BAG5: variants seen among roughly 807,000 people sequenced by gnomAD.
BAG5 encodes the protein BAG cochaperone 5.
A neutral mutation model predicts 31.8 loss-of-function variants in BAG5; 25 were observed. The ratio of observed to expected loss-of-function variants is 0.79; its 90% CI spans 0.57 to 1.10. BAG5 has a LOEUF of 1.10. BAG5 is among the 50% of genes least tolerant of loss of function. BAG5 has a pLI of 0.00. For synonymous variants in BAG5, 208 were observed against 205.0 expected, an observed-to-expected ratio of 1.01 and a Z score of -0.13; for missense variants, 491 against 527.9, an observed-to-expected ratio of 0.93 and a Z score of 0.68.
chr14:103,560,653 GGCT>G lies in BAG5; in HGVS notation c.509_511del (p.Gln170del). On this transcript the variant is annotated inframe_deletion, in exon 2 of 2. Transcript: ENST00000299204. ...TGCATCCTCGGAAAGCGGCAGGGAA[GGCT>G]GCTTTTTCATGCAGTCTTCGATTAT... The G allele has an allele frequency of 6.2e-7, 1 of 1,614,152 alleles. No individual in the cohort carries two copies. The highest frequency in any genetic ancestry group is 1.3e-5 in the African/African-American group (1 of 75,016).
Position 103,559,585 on chromosome 14 carries a change from G to A in BAG5, c.*236C>T. 1 of 470,336 alleles carries A rather than the reference G, an allele frequency of 2.1e-6. No homozygotes were observed. Among genetic ancestry groups the A allele is most frequent in the Non-Finnish European group, 3.6e-6 (1 of 278,200 alleles). The allele number at this position is 470,336 out of a possible 1,614,324, so 29.1% of individuals were successfully genotyped here. A position where few individuals can be genotyped will look rare whatever the true frequency, so the allele number is the denominator to read the frequency against. On this transcript the variant is annotated 3_prime_UTR_variant, in exon 2 of 2. Coordinates refer to ENST00000299204, the MANE Select transcript of BAG5 (RefSeq NM_001015048.3). ...TTCTGATTAAAAACGCAAAAAAAAG[G>A]ACAAACCAAACAAACCACACCACAT...
chr14:103,561,214 A>C lies in BAG5; in HGVS notation c.-28-22T>G, dbSNP rs147379559. 1.5e-5 allele frequency: 23 copies of C among 1,565,980 alleles called. No homozygotes were observed. In the African/African-American group the frequency reaches 3.0e-4, roughly 20 times the overall value. On this transcript the variant is annotated intron_variant, in intron 1 of 1. Coordinates refer to ENST00000299204, the MANE Select transcript of BAG5 (RefSeq NM_001015048.3). ...AGCACTAAAAGACGACAAGAATGAT[A>C]ACTTACTACAGCACAAGGCTTCTGC...
chr14:103,560,058 G>T lies in BAG5; in HGVS notation c.1107C>A (p.Val369=). ...ACEEHPSHKA[V]WNVLGNLSEI... ...CAGACAAGTTTCCAAGGACGTTCCA[G>T]ACGGCTTTATGGGATGGGTGCTCCT... is the stretch of plus-strand genomic sequence containing the variant. Residue 369 remains valine, a synonymous_variant, in exon 2 of 2, where the codon GTC becomes GTA. Coordinates refer to ENST00000299204, the MANE Select transcript of BAG5 (RefSeq NM_001015048.3). 2 of 1,614,178 alleles carry T rather than the reference G, an allele frequency of 1.2e-6. No individual in the cohort carries two copies. The highest frequency in any genetic ancestry group is 1.7e-6 in the Non-Finnish European group (2 of 1,180,034).
In BAG5 at chr14:103,559,013, T is replaced by TA. The variant is rs1409490202; in HGVS notation, c.*807dup. The TA allele has an allele frequency of 5.6e-5, 8 of 143,184 alleles. No homozygotes were observed. The highest frequency in any genetic ancestry group is 1.8e-4 in the African/African-American group (7 of 38,902). 8.9% of individuals were successfully genotyped at this position (143,184 alleles called of 1,614,324 possible). A position where few individuals can be genotyped will look rare whatever the true frequency, so the allele number is the denominator to read the frequency against. Reference sequence around the variant, plus strand: ...TATGAGTGTTTCCTTTTTTTTTTTTTAAAGGCCCATTAACTTAATTTAAAT... The same window carrying TA: ...TATGAGTGTTTCCTTTTTTTTTTTTTAAAAGGCCCATTAACTTAATTTAAAT... On this transcript the variant is annotated 3_prime_UTR_variant, in exon 2 of 2. Transcript: ENST00000299204.
At position 103,560,498 on chromosome 14, in the gene BAG5, G is replaced by A. The variant is rs1052109162; in HGVS notation, c.667C>T (p.Leu223=). 2 of 1,613,946 alleles carry A rather than the reference G, an allele frequency of 1.2e-6. No individual in the cohort carries two copies. The highest frequency in any genetic ancestry group is 1.7e-5 in the Admixed American group (1 of 59,986). Residue 223 remains leucine (L), a synonymous_variant, in exon 2 of 2, where the codon CTG becomes TTG. Coordinates refer to ENST00000299204, the MANE Select transcript of BAG5 (RefSeq NM_001015048.3). ...TCTAGAGCATCCAGGTCAGCGATCAGCCCCGAGAGCACACAGGATAAGTGC... is the reference window on the plus strand; with the variant it reads ...TCTAGAGCATCCAGGTCAGCGATCAACCCCGAGAGCACACAGGATAAGTGC... ...CRHLSCVLSG[L]IADLDALDVC... is the part of the protein sequence containing the mutation.
rs2076051869 is a variant in BAG5 at position 103,558,651 on chromosome 14, A to G, written c.*1170T>C. On this transcript the variant is annotated 3_prime_UTR_variant, in exon 2 of 2. Transcript: ENST00000299204. ...AGAGAAACCACCACATGCCCATGACATGAGCTCAGTTGTTCAGCAGGCACC... is the reference window on the plus strand; with the variant it reads ...AGAGAAACCACCACATGCCCATGACGTGAGCTCAGTTGTTCAGCAGGCACC... The G allele has an allele frequency of 6.6e-6, 1 of 152,224 alleles. No homozygotes were observed. The highest frequency in any genetic ancestry group is 2.4e-5 in the African/African-American group (1 of 41,454). 9.4% of individuals were successfully genotyped at this position (152,224 alleles called of 1,614,324 possible). A position where few individuals can be genotyped will look rare whatever the true frequency, so the allele number is the denominator to read the frequency against.
chr14:103,562,415 G>C (rs191141654), intron 1 of BAG5: 6 of 244,376 alleles, frequency 2.5e-5, no homozygotes, highest in Admixed American at 2.1e-4. Context: ...AGACACCAGA[G>C]ACCAGGCCCG....
At chr14:103,562,074 C>T (rs1202405288) in intron 1 of BAG5, 3 of 1,050,730 alleles carry the variant, frequency 2.9e-6, no homozygotes, top group East Asian at 2.4e-5. Context: ...TCCTCCCCGC[C>T]TCGCCCTTCC....
Position 103,561,063 on chromosome 14 carries a change from TGACAGACCACTGAAGCC to T in BAG5, c.85_101del (p.Gly29ArgfsTer2), listed in dbSNP as rs977375989. ...CCAGTTTCTTGTAATTCTTGTCATC[TGACAGACCACTGAAGCC>T]GATAACTTGCTGTTCTACACTTTTT... is the stretch of plus-strand genomic sequence containing the variant. On this transcript the variant is annotated frameshift_variant, in exon 2 of 2. Coordinates refer to ENST00000299204, the MANE Select transcript of BAG5 (RefSeq NM_001015048.3). LOFTEE classifies it high-confidence loss of function. 25 of 1,612,388 alleles carry T rather than the reference TGACAGACCACTGAAGCC, an allele frequency of 1.6e-5. No homozygotes were observed. The highest frequency in any genetic ancestry group is 2.1e-5 in the Non-Finnish European group (25 of 1,180,046).
At chr14:103,561,522 A>C (rs1159926531) in intron 1 of BAG5, among the ~76,000 whole-genome samples, 1 of 152,176 alleles carries the variant, frequency 6.6e-6, no homozygotes, top group African/African-American at 2.4e-5. Flanking sequence ...TGAAAGGTGA[A>C]ACAGTAGCTC....
rs141215432 is a variant in BAG5 at position 103,560,461 on chromosome 14, C to A, written c.704G>T (p.Arg235Leu). ...CCTCCGATAATTTCTGATTTCTGTC[C>A]GGCCGCACACATCTAGAGCATCCAG... is the stretch of plus-strand genomic sequence containing the variant. ...ADLDALDVCG[R>L]TEIRNYRREV... The change falls in exon 2 of 2, where the codon CGG (arginine) becomes CTG (leucine). Residue 235 changes from arginine (R) to leucine (L), a missense_variant. By Grantham distance (102) the Arg-to-Leu change is moderately radical. Transcript: ENST00000299204. 2 of 1,613,914 alleles carry A rather than the reference C, an allele frequency of 1.2e-6. No individual in the cohort carries two copies. Among genetic ancestry groups the A allele is most frequent in the Non-Finnish European group, 1.7e-6 (2 of 1,180,046 alleles).
rs2076052465 is a variant in BAG5 at position 103,558,773 on chromosome 14, C to G, written c.*1048G>C. The stretch of plus-strand genomic sequence containing the variant: ...AAGTGAGTGGTTAACAGCTGACTGC[C>G]TAGAAAACCTAGGAAGGCCTGGTCC... On this transcript the variant is annotated 3_prime_UTR_variant, in exon 2 of 2. Coordinates refer to ENST00000299204, the MANE Select transcript of BAG5 (RefSeq NM_001015048.3). The G allele has an allele frequency of 6.6e-6, 1 of 152,126 alleles. No individual in the cohort carries two copies. Among genetic ancestry groups the G allele is most frequent in the Admixed American group, 6.5e-5 (1 of 15,276 alleles). 9.4% of individuals were successfully genotyped at this position (152,126 alleles called of 1,614,324 possible).
At chr14:103,561,993 C>A in intron 1 of BAG5, 1 of 1,613,548 alleles carries the variant, frequency 6.2e-7, no homozygotes, top group Non-Finnish European at 8.5e-7. Flanking sequence ...AGGTGGGTAA[C>A]CAATGGAAAC....
In BAG5 at chr14:103,560,808, T is replaced by TA; in HGVS notation, c.356dup (p.Thr120AsnfsTer2). The TA allele has an allele frequency of 6.2e-7, 1 of 1,614,086 alleles. No individual in the cohort carries two copies. Among genetic ancestry groups the TA allele is most frequent in the South Asian group, 1.1e-5 (1 of 91,078 alleles). On this transcript the variant is annotated frameshift_variant, in exon 2 of 2. Transcript: ENST00000299204. LOFTEE classifies it high-confidence loss of function. ...GGATGCCTTCTTCAAACTCATCAGTTACGCAGTTGCCTCCATTATAAAATG... is the reference window on the plus strand; with the variant it reads ...GGATGCCTTCTTCAAACTCATCAGTTAACGCAGTTGCCTCCATTATAAAATG...
rs752989054 is a variant in BAG5, at chr14:103,561,179, C to T, written c.-15G>A. 30 of 1,590,856 alleles carry T rather than the reference C, an allele frequency of 1.9e-5. No individual in the cohort carries two copies. Among genetic ancestry groups the T allele is most frequent in the Non-Finnish European group, 2.3e-5 (27 of 1,176,202 alleles). On this transcript the variant is annotated 5_prime_UTR_variant, in exon 2 of 2. Coordinates refer to ENST00000299204, the MANE Select transcript of BAG5 (RefSeq NM_001015048.3). ...CCCATATCCATACTTTTGTTGTGTT[C>T]AGTTTCACAAGCACTAAAAGACGAC...
rs548477639 is a variant in BAG5, at chr14:103,562,453, G to A, written c.-29+163C>T. 1.5e-4 allele frequency: 29 copies of A among 195,206 alleles called. No individual in the cohort carries two copies. In the South Asian group the frequency reaches 2.2e-3, roughly 15 times the overall value. 12.1% of individuals were successfully genotyped at this position (195,206 alleles called of 1,614,324 possible). On this transcript the variant is annotated intron_variant, in intron 1 of 1. Transcript: ENST00000299204. The stretch of plus-strand genomic sequence containing the variant: ...CAGCCCCGGTCGCTTCCGACCCCAG[G>A]GGCGGGGACAGCGCCGAGACCGACT...
rs2076042136 is a variant in BAG5 at position 103,556,870 on chromosome 14, G to A, written c.*2951C>T. 1 of 152,042 alleles carries A rather than the reference G, an allele frequency of 6.6e-6. No individual in the cohort carries two copies. Among genetic ancestry groups the A allele is most frequent in the Non-Finnish European group, 1.5e-5 (1 of 68,008 alleles). The allele number at this position is 152,042 out of a possible 1,614,324, so 9.4% of individuals were successfully genotyped here. ...GACCCTTAAAAACCAGATAGAAATT[G>A]ACAAAGTCAAACAAAGGAGAAAAAC... is the stretch of plus-strand genomic sequence containing the variant. On this transcript the variant is annotated 3_prime_UTR_variant, in exon 2 of 2. Transcript: ENST00000299204.
chr14:103,559,531 A>G lies in BAG5; in HGVS notation c.*290T>C. 3.2e-6 allele frequency: 1 copy of G among 315,166 alleles called. No individual in the cohort carries two copies. The highest frequency in any genetic ancestry group is 5.9e-6 in the Non-Finnish European group (1 of 169,624). The allele number at this position is 315,166 out of a possible 1,614,324, so 19.5% of individuals were successfully genotyped here. Reference sequence around the variant, plus strand: ...TTTTAATGCTTGCACAACCCATTTAAAATCTACAAAAGCTGCCTCTATTTT... The same window carrying G: ...TTTTAATGCTTGCACAACCCATTTAGAATCTACAAAAGCTGCCTCTATTTT... On this transcript the variant is annotated 3_prime_UTR_variant, in exon 2 of 2. Transcript: ENST00000299204.
At position 103,559,666 on chromosome 14, in the gene BAG5, G is replaced by T; in HGVS notation, c.*155C>A. ...AACGTGCTGTAATGATATTTGTCTT[G>T]CAACATCAAAAGCAGCAGATACTGA... On this transcript the variant is annotated 3_prime_UTR_variant, in exon 2 of 2. Coordinates refer to ENST00000299204, the MANE Select transcript of BAG5 (RefSeq NM_001015048.3). 1 of 816,552 alleles carries T rather than the reference G, an allele frequency of 1.2e-6. No homozygotes were observed. Among genetic ancestry groups the T allele is most frequent in the Non-Finnish European group, 1.9e-6 (1 of 532,420 alleles). 50.6% of individuals were successfully genotyped at this position (816,552 alleles called of 1,614,324 possible).
Sources: allele counts gnomAD v4.1 joint callset (sites outside exome capture counted in the v4.1 genomes callset), GRCh38; gene constraint gnomAD v4.1.1; transcripts MANE v1.5; gene names NCBI Gene and HGNC (gene_info 2026-07-23, HGNC 2026-07-21).